The following WASHC2A variants were observed in gnomAD, a reference collection of about 807,000 sequenced individuals.
WASHC2A encodes the protein WASH complex subunit FAM21A.
Under a neutral mutation model 140.3 loss-of-function variants are expected in WASHC2A, and 82 were observed. The observed-to-expected ratio is 0.58, with a 90% CI of 0.49 to 0.70. The LOEUF (loss-of-function observed/expected upper bound fraction) is 0.70, where lower values mean the gene tolerates loss of function less well. Ranked by LOEUF, WASHC2A falls within the 30% of genes least tolerant of loss-of-function variation. WASHC2A has a pLI of 0.00. For synonymous variants in WASHC2A, 340 were observed against 560.8 expected (o/e 0.61, Z 5.56); for missense variants, 985 against 1,521.8 (o/e 0.65, Z 5.87).
rs1844118910 is a variant in WASHC2A at position 50,132,987 on chromosome 10, T to C, written c.*42T>C. ...ACATGTTACCCTGCAGCTACATTGT[T>C]GAGTTAGTGATGATGTTGTATATGC... is the stretch of plus-strand genomic sequence containing the variant. On this transcript the variant is annotated 3_prime_UTR_variant, in exon 31 of 31. Coordinates refer to ENST00000282633, the MANE Select transcript of WASHC2A (RefSeq NM_001005751.3). 1.9e-6 allele frequency: 3 copies of C among 1,611,852 alleles called. No individual in the cohort carries two copies. The East Asian group carries it at 6.7e-5, about 36-fold the overall frequency.
At chr10:50,127,978 T>A (rs1305985096) in intron 28 of WASHC2A, among the ~76,000 whole-genome samples, 183 bp downstream of exon 28, 1 of 152,118 alleles carries the variant, frequency 6.6e-6, no homozygotes, top group African/African-American at 2.4e-5. Flanking sequence ...CACCTGCTTT[T>A]CCGTGGCCTG....
chr10:50,109,993 A>G (rs1249348382), intron 19 of WASHC2A, 108 bp from the exon 20 acceptor site: 2 of 1,163,966 alleles, frequency 1.7e-6, no homozygotes, highest in African/African-American at 1.5e-5. Flanking sequence ...GATGGTCTTG[A>G]TCTGCTGATC....
At chr10:50,076,844 A>T (rs1289146406) in intron 3 of WASHC2A, among the ~76,000 whole-genome samples, 7 of 150,634 alleles carry the variant, frequency 4.6e-5, no homozygotes, top group Non-Finnish European at 8.9e-5. Flanking sequence ...CAGGCCGGGC[A>T]TGGTGGCTCA....
intron 13 of WASHC2A, among the ~76,000 whole-genome samples, chr10:50,094,864 C>T (rs1173434102): frequency 0.28 from 40,210 of 145,722 alleles, 6,351 homozygotes; most frequent in Middle Eastern, 0.43. Flanking sequence ...GCTGTGCTCA[C>T]CTCCTCCCTT....
chr10:50,108,989 A>G (rs1842032028), intron 19 of WASHC2A, among the ~76,000 whole-genome samples: 1 of 150,410 alleles, frequency 6.6e-6, no homozygotes, highest in East Asian at 2.0e-4. Context: ...CAGCCTCGTC[A>G]TTGGAGTTTT....
At chr10:50,124,198 A>G (rs1370531930) in intron 23 of WASHC2A, among the ~76,000 whole-genome samples, 2 of 151,890 alleles carry the variant, frequency 1.3e-5, no homozygotes. Context: ...TCTGCCTCCC[A>G]GGTTCAAGGA....
intron 18 of WASHC2A, among the ~76,000 whole-genome samples, chr10:50,104,429 C>T (rs1158142371): frequency 2.0e-5 from 3 of 148,018 alleles, no homozygotes; most frequent in Non-Finnish European, 3.0e-5. Flanking sequence ...TGCAGTGATG[C>T]GATCTTGGCT....
chr10:50,124,550 C>T (rs555594195), intron 23 of WASHC2A, among the ~76,000 whole-genome samples: 170 of 152,218 alleles, frequency 1.1e-3, no homozygotes, highest in African/African-American at 3.9e-3. Flanking sequence ...GGGACTCACT[C>T]GGAGTCTGAA....
At chr10:50,116,534 C>T (rs1377653436) in intron 21 of WASHC2A, among the ~76,000 whole-genome samples, 2 of 146,566 alleles carry the variant, frequency 1.4e-5, no homozygotes, top group Admixed American at 6.9e-5. Flanking sequence ...AGGATGGTCT[C>T]GATCTCCTGA....
At chr10:50,108,763 TC>T (rs1374257095) in intron 19 of WASHC2A, among the ~76,000 whole-genome samples, 1 of 105,642 alleles carries the variant, frequency 9.5e-6, no homozygotes, top group Non-Finnish European at 1.9e-5. Context: ...TTGCCTGTAA[TC>T]CCAGCTACTC....
intron 2 of WASHC2A, among the ~76,000 whole-genome samples, chr10:50,068,741 G>A (rs1304289166): frequency 4.0e-5 from 6 of 149,662 alleles, no homozygotes; most frequent in African/African-American, 1.5e-4. Context: ...AAAGGAGACA[G>A]GGTTTTGCCC....
chr10:50,104,653 G>A (rs1554887960), intron 18 of WASHC2A, among the ~76,000 whole-genome samples: 3 of 152,030 alleles, frequency 2.0e-5, no homozygotes, highest in South Asian at 4.1e-4. Context: ...CACCATGCCT[G>A]GCTTCTTGAC....
intron 6 of WASHC2A, among the ~76,000 whole-genome samples, chr10:50,084,758 G>A (rs1249690152): frequency 3.8e-5 from 5 of 130,708 alleles, no homozygotes; most frequent in South Asian, 2.6e-4. Context: ...TTTTTGAGCC[G>A]GAGTTTCTCT....
At chr10:50,076,631 A>G (rs567151458) in intron 3 of WASHC2A, among the ~76,000 whole-genome samples, 26 of 152,300 alleles carry the variant, frequency 1.7e-4, no homozygotes, top group African/African-American at 6.3e-4. Context: ...AGATTTATTT[A>G]TTCCCTCTCT....
At chr10:50,106,311 C>G in intron 18 of WASHC2A, 23 bp from the exon 19 acceptor site, 1 of 1,610,858 alleles carries the variant, frequency 6.2e-7, no homozygotes. Flanking sequence ...GTTGTCTTAC[C>G]TTTCTGCCAT....
intron 3 of WASHC2A, among the ~76,000 whole-genome samples, chr10:50,071,506 C>T (rs1248353388): frequency 1.1e-4 from 16 of 151,886 alleles, no homozygotes; most frequent in African/African-American, 3.6e-4. Flanking sequence ...GGGGTTTCAC[C>T]GAGTTAGCCA....
At chr10:50,102,194 A>C (rs2132725283) in intron 17 of WASHC2A, among the ~76,000 whole-genome samples, 1 of 152,258 alleles carries the variant, frequency 6.6e-6, no homozygotes, top group Non-Finnish European at 1.5e-5. Flanking sequence ...TTTTTATTGG[A>C]TATTGTTCAG....
At chr10:50,086,381 C>G (rs1839376342) in intron 7 of WASHC2A, among the ~76,000 whole-genome samples, 2 of 151,780 alleles carry the variant, frequency 1.3e-5, no homozygotes, top group African/African-American at 4.8e-5. Flanking sequence ...TGTGGCACTT[C>G]ATCAATAGTT....
intron 9 of WASHC2A, among the ~76,000 whole-genome samples, chr10:50,091,230 C>T (rs1589191768): frequency 6.6e-6 from 1 of 151,258 alleles, no homozygotes; most frequent in South Asian, 2.1e-4. Flanking sequence ...TAAAGGGCAT[C>T]TCCCTTTGAA....
Sources: allele counts gnomAD v4.1 joint callset (sites outside exome capture counted in the v4.1 genomes callset), GRCh38; gene constraint gnomAD v4.1.1; transcripts MANE v1.5; gene names NCBI Gene and HGNC (gene_info 2026-07-23, HGNC 2026-07-21).